The following GABRA3 variants were observed in gnomAD, a reference collection of about 807,000 sequenced individuals.
GABRA3 encodes gamma-aminobutyric acid type A receptor subunit alpha3.
In GABRA3, 10 loss-of-function variants were observed where a neutral mutation model predicts 30.1. That is an observed-to-expected ratio of 0.33 (90% CI 0.20 to 0.56). The LOEUF is 0.56. GABRA3 is among the 20% of genes least tolerant of loss of function. The pLI, the probability that GABRA3 is intolerant of heterozygous loss-of-function variation, is 0.89. For missense variants in GABRA3, 233 were observed against 392.0 expected (o/e 0.59, Z 3.42); for synonymous variants, 151 against 146.8 (o/e 1.03, Z -0.21).
chrX:152,326,972 A>G, intron 3 of GABRA3, among the ~76,000 whole-genome samples: 1 of 109,598 alleles, frequency 9.1e-6, no homozygotes, highest in South Asian at 4.1e-4. Flanking sequence ...TCACGTGCAG[A>G]GACACATACA....
chrX:152,398,316 C>T (rs1329153433), intron 1 of GABRA3, among the ~76,000 whole-genome samples: 2 of 106,348 alleles, frequency 1.9e-5, no homozygotes, highest in Admixed American at 1.0e-4. Context: ...GGGCCAGGCC[C>T]ACAAGGGATA....
At chrX:152,175,224 T>C (rs1352128296) in intron 9 of GABRA3, among the ~76,000 whole-genome samples, 1 of 108,494 alleles carries the variant, frequency 9.2e-6, no homozygotes, top group Non-Finnish European at 1.9e-5. Context: ...CACTCATAAA[T>C]GTCACCAATC....
At chrX:152,421,188 C>T (rs767936652) in intron 1 of GABRA3, among the ~76,000 whole-genome samples, 8 of 109,737 alleles carry the variant, frequency 7.3e-5, no homozygotes, top group Non-Finnish European at 1.1e-4. Context: ...TACAGTAAGT[C>T]CTCACCTTAA....
chrX:152,325,414 C>T lies in GABRA3; in HGVS notation c.262+20167G>A, dbSNP rs761338492. Among the ~76,000 whole-genome samples the T allele has an allele frequency of 1.4e-4, 16 of 111,632 alleles. No individual in the cohort carries two copies. In the East Asian group the frequency reaches 4.6e-3, roughly 32 times the overall value. Reference sequence around the variant, plus strand: ...ACTGCCTCCTCAAGTGGGTCCCTGACCCCCGAGTAGACTAACTGGGAGACA... The same window carrying T: ...ACTGCCTCCTCAAGTGGGTCCCTGATCCCCGAGTAGACTAACTGGGAGACA... On this transcript the variant is annotated intron_variant, in intron 3 of 9. Transcript: ENST00000370314.
At chrX:152,198,016 A>G (rs762636569) in intron 7 of GABRA3, among the ~76,000 whole-genome samples, 18 of 110,935 alleles carry the variant, frequency 1.6e-4, no homozygotes, top group Non-Finnish European at 2.4e-4. Context: ...CAATTTTGAC[A>G]CAATTCATTC....
chrX:152,175,264 TC>T (rs1241893968), intron 9 of GABRA3, among the ~76,000 whole-genome samples: 2 of 109,239 alleles, frequency 1.8e-5, no homozygotes, highest in African/African-American at 3.4e-5. Flanking sequence ...TTTTTTTTTT[TC>T]GGAGAGAAAT....
intron 1 of GABRA3, among the ~76,000 whole-genome samples, chrX:152,393,112 C>T (rs575580197): frequency 3.4e-4 from 38 of 111,832 alleles, no homozygotes; most frequent in Non-Finnish European, 5.5e-4. Flanking sequence ...ATTACCAAAA[C>T]GGATATGGTT....
At chrX:152,219,727 T>A (rs1353997371) in intron 6 of GABRA3, among the ~76,000 whole-genome samples, 3 of 111,188 alleles carry the variant, frequency 2.7e-5, no homozygotes, top group Non-Finnish European at 5.7e-5. Flanking sequence ...CTGATGGTAA[T>A]TCTTGAAAAT....
At chrX:152,237,254 T>G (rs1318582805) in intron 5 of GABRA3, among the ~76,000 whole-genome samples, 1 of 110,846 alleles carries the variant, frequency 9.0e-6, no homozygotes, top group Non-Finnish European at 1.9e-5. Context: ...AAATAGGGAA[T>G]CCTTTCCCCA....
At chrX:152,268,094 AT>A (rs1210757825) in intron 4 of GABRA3, among the ~76,000 whole-genome samples, 1 of 104,865 alleles carries the variant, frequency 9.5e-6, no homozygotes, top group Non-Finnish European at 2.0e-5. Context: ...GTGTCTTTCT[AT>A]TTTTTTCACT....
chrX:152,311,031 C>G (rs1049106128), intron 3 of GABRA3, among the ~76,000 whole-genome samples: 1 of 111,030 alleles, frequency 9.0e-6, no homozygotes, highest in African/African-American at 3.3e-5. Context: ...AAACCCTGAG[C>G]AAATCAATAA....
chrX:152,180,270 G>GT (rs1937128471), intron 9 of GABRA3, among the ~76,000 whole-genome samples: 1 of 111,708 alleles, frequency 9.0e-6, no homozygotes, highest in Admixed American at 9.5e-5. Context: ...TCTCATTGTG[G>GT]TTTTAATTTA....
intron 5 of GABRA3, among the ~76,000 whole-genome samples, chrX:152,236,703 G>A (rs1216771111): frequency 9.5e-6 from 1 of 105,478 alleles, no homozygotes; most frequent in African/African-American, 3.5e-5. Flanking sequence ...GGTGTGAGAT[G>A]GTATCTCATT....
At position 152,210,368 on chromosome X, in the gene GABRA3, G is replaced by A. The variant is rs771530281; in HGVS notation, c.635-2224C>T. On this transcript the variant is annotated intron_variant, in intron 6 of 9. Transcript: ENST00000370314. ...AAATTGATAGATATGGTACAAGAAC[G>A]CTTTCATTTTCCTCATTTCTACTGG... 9.8e-5 allele frequency among the ~76,000 whole-genome samples: 11 copies of A among 111,935 alleles called. 1 individual carries two copies. The East Asian group carries it at 2.0e-3, about 20-fold the overall frequency.
chrX:152,220,604 T>C (rs1937814158), intron 6 of GABRA3, among the ~76,000 whole-genome samples: 1 of 111,903 alleles, frequency 8.9e-6, no homozygotes. Context: ...GATATGCACA[T>C]GTATAGCACT....
chrX:152,204,942 T>C (rs187809136), intron 7 of GABRA3, among the ~76,000 whole-genome samples: 14 of 111,700 alleles, frequency 1.3e-4, no homozygotes, highest in African/African-American at 4.5e-4. Context: ...TTGCTGTTTC[T>C]CAACTTATAG....
In GABRA3 at chrX:152,168,149, G is replaced by A. The variant is rs1389510119; in HGVS notation, c.*79C>T. ...TAAAAAGGAGAATCCTGAAATACGC[G>A]AAGGGGAGCCCCGGGGTTTGGGTGC... On this transcript the variant is annotated 3_prime_UTR_variant, in exon 10 of 10. Transcript: ENST00000370314. The A allele has an allele frequency of 1.4e-5, 11 of 811,961 alleles. No homozygotes were observed. The highest frequency in any genetic ancestry group is 2.0e-5 in the African/African-American group (1 of 49,151). The allele number at this position is 811,961 out of a possible 1,213,427, so 66.9% of individuals were successfully genotyped here. A position where few individuals can be genotyped will look rare whatever the true frequency, so the allele number is the denominator to read the frequency against.
In GABRA3 at chrX:152,357,737, G is replaced by C. The variant is rs377565959; in HGVS notation, c.140+6694C>G. 2.7e-5 allele frequency among the ~76,000 whole-genome samples: 3 copies of C among 111,569 alleles called. No individual in the cohort carries two copies. The East Asian group carries it at 8.4e-4, about 31-fold the overall frequency. Reference sequence around the variant, plus strand: ...ATGATATTTTCTAGATTATCTTCCAGGGTTTTTGTAGTTTTAGGTTTGACA... The same window carrying C: ...ATGATATTTTCTAGATTATCTTCCACGGTTTTTGTAGTTTTAGGTTTGACA... On this transcript the variant is annotated intron_variant, in intron 2 of 9. Coordinates refer to ENST00000370314, the MANE Select transcript of GABRA3 (RefSeq NM_000808.4).
chrX:152,277,975 C>G (rs1011399240), intron 4 of GABRA3, among the ~76,000 whole-genome samples: 1 of 111,782 alleles, frequency 8.9e-6, no homozygotes, highest in Non-Finnish European at 1.9e-5. Context: ...GAAGGCCTTG[C>G]CATTTTCCCA....
Sources: gnomAD v4.1 joint callset for allele counts (sites outside exome capture counted in the v4.1 genomes callset) on GRCh38, gnomAD v4.1.1 for gene constraint, MANE v1.5 for transcripts, NCBI Gene and HGNC (gene_info 2026-07-23, HGNC 2026-07-21) for gene names.